Variants in TRAPPC10 observed in about 807,000 individuals in gnomAD.
The protein encoded by TRAPPC10 is TRAPP 130 kDa subunit.
Under a neutral mutation model 125.5 loss-of-function variants are expected in TRAPPC10, and 23 were observed. The ratio of observed to expected loss-of-function variants is 0.18; its 90% CI spans 0.13 to 0.26. The LOEUF is 0.26. TRAPPC10 is among the 10% of genes least tolerant of loss of function. The probability of loss-of-function intolerance (pLI) is 1.00; values close to 1 mark genes in which losing one functional copy is unlikely to be tolerated. For missense variants in TRAPPC10, 1,123 were observed against 1,308.4 expected (o/e 0.86, Z 2.19); for synonymous variants, 509 against 518.0 (o/e 0.98, Z 0.24).
chr21:44,030,473 T>G (rs2033478257), intron 1 of TRAPPC10, among the ~76,000 whole-genome samples: 1 of 152,100 alleles, frequency 6.6e-6, no homozygotes, highest in Non-Finnish European at 1.5e-5. Context: ...TCTTTCTTTT[T>G]CTTTTTTTTT....
At chr21:44,075,198 A>G (rs749997822) in intron 9 of TRAPPC10, 45 bp downstream of exon 9, 140 of 1,387,388 alleles carry the variant, frequency 1.0e-4, no homozygotes, top group Non-Finnish European at 1.4e-4. Flanking sequence ...GTGGACAGTA[A>G]TGAAAATGTC....
At chr21:44,050,087 A>G (rs999077212) in intron 3 of TRAPPC10, among the ~76,000 whole-genome samples, 1 of 151,994 alleles carries the variant, frequency 6.6e-6, no homozygotes, top group African/African-American at 2.4e-5. Context: ...CTATTTGGCC[A>G]TGCTGGGACT....
chr21:44,085,434 A>G (rs2038058569), intron 15 of TRAPPC10, among the ~76,000 whole-genome samples: 1 of 152,186 alleles, frequency 6.6e-6, no homozygotes, highest in South Asian at 2.1e-4. Context: ...TAGGATCTAT[A>G]CTCAGATCCC....
chr21:44,032,379 C>CTTTTTTTTTTTT (rs1200011844), intron 2 of TRAPPC10, among the ~76,000 whole-genome samples: 1 of 108,472 alleles, frequency 9.2e-6, no homozygotes, highest in Non-Finnish European at 1.8e-5. Context: ...CCATGGTTTT[C>CTTTTTTTTTTTT]TTTTTTTTTT....
At chr21:44,060,193 A>G (rs1048316222) in intron 6 of TRAPPC10, 3 of 152,208 alleles carry the variant, frequency 2.0e-5, no homozygotes, top group Admixed American at 2.0e-4. Context: ...AGATGCCAGT[A>G]TAGACACAGA....
chr21:44,086,726 T>TTTCA (rs2038160054), intron 15 of TRAPPC10, 76 bp from the exon 16 acceptor site: 1 of 1,511,560 alleles, frequency 6.6e-7, no homozygotes. Context: ...ATAGAGCCCC[T>TTTCA]TTCACCCCAT....
Position 44,012,461 on chromosome 21 carries a change from C to T in TRAPPC10, c.-33C>T, listed in dbSNP as rs1361185128. The T allele has an allele frequency of 7.1e-6, 10 of 1,411,842 alleles. No individual in the cohort carries two copies. The highest frequency in any genetic ancestry group is 9.4e-6 in the Non-Finnish European group (10 of 1,066,066). 87.5% of individuals were successfully genotyped at this position (1,411,842 alleles called of 1,614,324 possible). On this transcript the variant is annotated 5_prime_UTR_variant, in exon 1 of 23. Coordinates refer to ENST00000291574, the MANE Select transcript of TRAPPC10 (RefSeq NM_003274.5). ...CGCGGCCTCGGGGCTGCCCATGGGG[C>T]GCGGGGGGCCGGGCCGGTGACGCCG...
intron 4 of TRAPPC10, 78 bp from the exon 5 acceptor site, chr21:44,055,620 T>G: frequency 8.8e-7 from 1 of 1,140,040 alleles, no homozygotes; most frequent in Non-Finnish European, 1.2e-6. Flanking sequence ...AAATTGCCGC[T>G]CAGGACAATG....
chr21:44,036,401 C>G (rs1413266392), intron 2 of TRAPPC10, among the ~76,000 whole-genome samples: 2 of 152,220 alleles, frequency 1.3e-5, no homozygotes, highest in African/African-American at 4.8e-5. Context: ...GCGTGAGCCA[C>G]AGGTGCTGAG....
At chr21:44,050,764 C>A (rs769641388) in intron 3 of TRAPPC10, among the ~76,000 whole-genome samples, 8 of 152,156 alleles carry the variant, frequency 5.3e-5, no homozygotes, top group Non-Finnish European at 1.0e-4. Flanking sequence ...AGTAAAAGAT[C>A]TTTTCAGATT....
At chr21:44,018,052 T>C (rs1222812686) in intron 1 of TRAPPC10, among the ~76,000 whole-genome samples, 2 of 152,148 alleles carry the variant, frequency 1.3e-5, no homozygotes, top group Non-Finnish European at 2.9e-5. Context: ...TTCCTTTCTT[T>C]TCAGCTCACA....
rs141567395 is a variant in TRAPPC10, at chr21:44,087,778, C to T, written c.2619C>T (p.Tyr873=). Residue 873 remains tyrosine (Y), a synonymous_variant, in exon 17 of 23, where the codon TAC becomes TAT. Transcript: ENST00000291574. The surrounding 1 kb of genome is among the most constrained non-coding windows in gnomAD (Gnocchi z 4.6). The part of the protein sequence containing the change: ...TSISLPVAPA[Y]HVIEFELEVL... ...TCAGTCTGCCTGTTGCGCCTGCGTA[C>T]CACGTGATCGAATTTGAACTGGAAG... 21 of 1,614,224 alleles carry T rather than the reference C, an allele frequency of 1.3e-5. No homozygotes were observed. The highest frequency in any genetic ancestry group is 1.7e-6 in the Non-Finnish European group (2 of 1,180,040).
In TRAPPC10 at chr21:44,087,926, A is replaced by G; in HGVS notation, c.2767A>G (p.Lys923Glu). 6.2e-7 allele frequency: 1 copy of G among 1,612,574 alleles called. No individual in the cohort carries two copies. Among genetic ancestry groups the G allele is most frequent in the Non-Finnish European group, 8.5e-7 (1 of 1,179,328 alleles). Reference protein sequence around the residue: ...TGRCMVTTDHKVSIDCPWSIY... With the variant: ...TGRCMVTTDHEVSIDCPWSIY... ...CCGCTGCATGGTTACCACAGACCAC[A>G]AAGTGAGTAGGGACAGTGGAGGAGC... Residue 923 changes from lysine (K) to glutamate (E), a missense_variant and splice_region_variant, in exon 17 of 23, where the codon AAA becomes GAA. By Grantham distance (56) the Lys-to-Glu change is moderately conservative. Coordinates refer to ENST00000291574, the MANE Select transcript of TRAPPC10 (RefSeq NM_003274.5). The surrounding 1 kb of genome is among the most constrained non-coding windows in gnomAD (Gnocchi z 4.6).
chr21:44,087,260 T>C lies in TRAPPC10; in HGVS notation c.2539+300T>C, dbSNP rs2038203108. ...GATGCCTGCCAGACCCTGTCCCCCTTGGGCTGGCCCTGCTCCCGAGAAGCA... is the reference window on the plus strand; with the variant it reads ...GATGCCTGCCAGACCCTGTCCCCCTCGGGCTGGCCCTGCTCCCGAGAAGCA... On this transcript the variant is annotated intron_variant, in intron 16 of 22. Transcript: ENST00000291574. The surrounding 1 kb of genome is among the most constrained non-coding windows in gnomAD (Gnocchi z 4.6). Among the ~76,000 whole-genome samples, 1 of 152,242 alleles carries C rather than the reference T, an allele frequency of 6.6e-6. No individual in the cohort carries two copies. The highest frequency in any genetic ancestry group is 6.5e-5 in the Admixed American group (1 of 15,296).
chr21:44,018,751 GT>G (rs912746140), intron 1 of TRAPPC10, among the ~76,000 whole-genome samples: 2 of 152,048 alleles, frequency 1.3e-5, no homozygotes, highest in African/African-American at 4.8e-5. Flanking sequence ...TCCTTAGAGA[GT>G]TTTTGCTGTG....
intron 20 of TRAPPC10, among the ~76,000 whole-genome samples, chr21:44,095,652 C>T (rs2038886095): frequency 6.6e-6 from 1 of 151,938 alleles, no homozygotes; most frequent in Non-Finnish European, 1.5e-5. Context: ...CAACCTCCGC[C>T]CCTCTAGGTT....
chr21:44,015,610 AT>A lies in TRAPPC10; in HGVS notation c.67+3066del, dbSNP rs11405094. 7.1e-3 allele frequency among the ~76,000 whole-genome samples: 1,003 copies of A among 140,326 alleles called. 5 individuals are homozygous for A. Among genetic ancestry groups the A allele is most frequent in the Middle Eastern group, 0.022 (6 of 272 alleles). 92.1% of individuals were successfully genotyped at this position (140,326 alleles called of 152,430 possible). A position where few individuals can be genotyped will look rare whatever the true frequency, so the allele number is the denominator to read the frequency against. On this transcript the variant is annotated intron_variant, in intron 1 of 22. Coordinates refer to ENST00000291574, the MANE Select transcript of TRAPPC10 (RefSeq NM_003274.5). ...TTAATAATATTTTGAAGCTCTCCAAATTTTTTTTTTTTTTTTCTGTCTGAGA... is the reference window on the plus strand; with the variant it reads ...TTAATAATATTTTGAAGCTCTCCAAATTTTTTTTTTTTTTTCTGTCTGAGA...
At chr21:44,015,900 C>T (rs972170019) in intron 1 of TRAPPC10, among the ~76,000 whole-genome samples, 5 of 152,336 alleles carry the variant, frequency 3.3e-5, no homozygotes, top group Admixed American at 3.3e-4. Context: ...AGGCGTGAGC[C>T]CCCGCACCTG....
chr21:44,067,559 A>G (rs907468807), intron 7 of TRAPPC10, among the ~76,000 whole-genome samples: 1 of 152,192 alleles, frequency 6.6e-6, no homozygotes, highest in African/African-American at 2.4e-5. Flanking sequence ...TCATTCAAGA[A>G]ACGTTTCCTT....
Sources: allele counts gnomAD v4.1 joint callset (sites outside exome capture counted in the v4.1 genomes callset), GRCh38; gene constraint gnomAD v4.1.1; non-coding constraint Gnocchi (gnomAD v3.1); transcripts MANE v1.5; gene names NCBI Gene and HGNC (gene_info 2026-07-23, HGNC 2026-07-21).